LSM5: variants seen among roughly 807,000 people sequenced by gnomAD.
The protein encoded by LSM5 is LSM5 homolog, U6 small nuclear RNA and mRNA degradation associated.
A neutral mutation model predicts 13.8 loss-of-function variants in LSM5; 8 were observed. That is an observed-to-expected ratio of 0.58 (90% CI 0.34 to 1.04). The LOEUF is 1.04. LSM5 is among the 50% of genes least tolerant of loss of function. The pLI is 0.03. For synonymous variants in LSM5, 35 were observed against 37.0 expected (o/e 0.95, Z 0.20); for missense variants, 80 against 108.1 (o/e 0.74, Z 1.15).
At chr7:32,494,799 G>A (rs1786699383), upstream of LSM5, among the ~76,000 whole-genome samples, 1 of 152,084 alleles carries the variant, frequency 6.6e-6, no homozygotes, top group African/African-American at 2.4e-5. Context: ...AAAATCGCAG[G>A]ACTAGAATAA....
intron 4 of LSM5, 157 bp downstream of exon 4, chr7:32,487,528 A>G (rs1583462050): frequency 3.0e-6 from 2 of 674,780 alleles, no homozygotes; most frequent in East Asian, 5.4e-5. Flanking sequence ...TCAATAGCTG[A>G]GCTTTAGGAC....
chr7:32,494,538 A>G (rs759526124), upstream of LSM5, among the ~76,000 whole-genome samples: 10 of 152,240 alleles, frequency 6.6e-5, no homozygotes, highest in Non-Finnish European at 1.5e-4. Flanking sequence ...TATCACAGTT[A>G]CTGTAGTAAT....
At chr7:32,495,081 GGA>G (rs1386285395), upstream of LSM5, 3 of 152,314 alleles carry the variant, frequency 2.0e-5, no homozygotes, top group Non-Finnish European at 4.4e-5. Flanking sequence ...TCGGACACTC[GGA>G]GAGTGAACCG....
chr7:32,489,308 A>T lies in LSM5; in HGVS notation c.83T>A (p.Ile28Asn). The part of the protein sequence containing the change: ...VDKCIGSRIH[I>N]VMKSDKEIVG... ...AATTTCCTTATCACTCTTCATCACG[A>T]TGTGAATTCTTGATCCTATACATTT... The change falls in exon 2 of 5, where the codon ATC becomes AAC. Residue 28 changes from isoleucine to asparagine, a missense_variant. Physicochemically the swap from Ile to Asn is moderately radical, Grantham distance 149 (BLOSUM62 -3). Coordinates refer to ENST00000450169, the MANE Select transcript of LSM5 (RefSeq NM_012322.3). 6.2e-7 allele frequency: 1 copy of T among 1,608,450 alleles called. No individual in the cohort carries two copies. The highest frequency in any genetic ancestry group is 8.5e-7 in the Non-Finnish European group (1 of 1,176,184).
chr7:32,490,980 G>GCAAC (rs931120942), upstream of LSM5: 4 of 153,550 alleles, frequency 2.6e-5, no homozygotes, highest in African/African-American at 9.7e-5. Flanking sequence ...TGTCTCACAG[G>GCAAC]CAACCACCAG....
intron 1 of LSM5, chr7:32,490,045 G>A: frequency 7.0e-7 from 1 of 1,424,668 alleles, no homozygotes; most frequent in South Asian, 1.3e-5. Context: ...GCAGAGGCGG[G>A]CTCACAACAA....
chr7:32,492,270 A>C (rs1786611941), upstream of LSM5, among the ~76,000 whole-genome samples: 1 of 152,234 alleles, frequency 6.6e-6, no homozygotes, highest in South Asian at 2.1e-4. Context: ...TCACGCCTAT[A>C]ATCCCAACAC....
chr7:32,490,222 T>C, intron 1 of LSM5, 98 bp downstream of exon 1: 2 of 1,607,534 alleles, frequency 1.2e-6, no homozygotes, highest in South Asian at 1.1e-5. Context: ...TCTTATACAT[T>C]TCCCCACACT....
upstream of LSM5, chr7:32,490,839 A>G (rs533721478): frequency 5.7e-6 from 1 of 174,294 alleles, no homozygotes; most frequent in Admixed American, 5.9e-5. Context: ...CATTTTTTAA[A>G]ATTTTTCTTT....
At chr7:32,488,992 T>C (rs1025734521) in intron 2 of LSM5, among the ~76,000 whole-genome samples, 2 of 152,224 alleles carry the variant, frequency 1.3e-5, no homozygotes, top group African/African-American at 2.4e-5. Flanking sequence ...CCCAAAGCGC[T>C]GGGATTATAG....
At position 32,490,325 on chromosome 7, in the gene LSM5, G is replaced by A. The variant is rs1786550358; in HGVS notation, c.41C>T (p.Pro14Leu). 2 of 1,614,060 alleles carry A rather than the reference G, an allele frequency of 1.2e-6. No homozygotes were observed. The highest frequency in any genetic ancestry group is 2.2e-5 in the East Asian group (1 of 44,888). The change falls in exon 1 of 5, where the codon CCC (proline) becomes CTC (leucine). Residue 14 changes from proline to leucine, a missense_variant. By Grantham distance (98) the Pro-to-Leu change is moderately conservative. Transcript: ENST00000450169. ...NATTNPSQLL[P>L]LELVDKCIGS... ...CCCCAAAGGACGGCGATTACCTAAG[G>A]GCAGCAGCTGCGACGGGTTGGTAGT...
chr7:32,490,843 T>C (rs570650390), upstream of LSM5: 165 of 175,696 alleles, frequency 9.4e-4, no homozygotes, highest in Non-Finnish European at 1.7e-3. Flanking sequence ...TTTTAAAATT[T>C]TTCTTTAGTG....
upstream of LSM5, among the ~76,000 whole-genome samples, chr7:32,493,193 G>A (rs183109222): frequency 1.3e-5 from 2 of 152,174 alleles, no homozygotes; most frequent in Non-Finnish European, 2.9e-5. Flanking sequence ...CAGGAGTACA[G>A]TGGTGTGCTC....
At chr7:32,488,727 TTTTG>T in intron 2 of LSM5, 75 bp from the exon 3 acceptor site, 1 of 1,055,996 alleles carries the variant, frequency 9.5e-7, no homozygotes, top group African/African-American at 1.6e-5. Context: ...TGTTTTTTGT[TTTTG>T]TTTTTGTTTT....
In LSM5 at chr7:32,486,206, A is replaced by C. The variant is rs1351579563; in HGVS notation, c.*1055T>G. On this transcript the variant is annotated 3_prime_UTR_variant, in exon 5 of 5. Transcript: ENST00000450169. ...AAGATCTAGTTAGACTACTGTGGCC[A>C]GTAAGAATAGGCTAAATAATTTATA... 1 of 152,236 alleles carries C rather than the reference A, an allele frequency of 6.6e-6. No homozygotes were observed. Among genetic ancestry groups the C allele is most frequent in the Non-Finnish European group, 1.5e-5 (1 of 68,042 alleles). 9.4% of individuals were successfully genotyped at this position (152,236 alleles called of 1,614,324 possible).
rs548450755 is a variant in LSM5 at position 32,490,016 on chromosome 7, G to T, written c.46+304C>A. 3.0e-4 allele frequency: 398 copies of T among 1,348,054 alleles called. 5 individuals carry two copies. The South Asian group carries it at 5.3e-3, about 18-fold the overall frequency. The allele number at this position is 1,348,054 out of a possible 1,614,324, so 83.5% of individuals were successfully genotyped here. A position where few individuals can be genotyped will look rare whatever the true frequency, so the allele number is the denominator to read the frequency against. The stretch of plus-strand genomic sequence containing the variant: ...TCGTAAACGCCAGGCTGAGAAGTAG[G>T]CCTACTACCTATAACACTGCAGAGG... On this transcript the variant is annotated intron_variant, in intron 1 of 4. Transcript: ENST00000450169.
At chr7:32,493,130 CCAT>C (rs1056734298), upstream of LSM5, among the ~76,000 whole-genome samples, 19 of 152,082 alleles carry the variant, frequency 1.2e-4, no homozygotes, top group African/African-American at 4.6e-4. Context: ...TAGCAACACC[CCAT>C]CATATTTTAT....
rs1786519246 is a variant in LSM5 at position 32,489,310 on chromosome 7, G to A, written c.81C>T (p.His27=). Reference sequence around the variant, plus strand: ...TTTCCTTATCACTCTTCATCACGATGTGAATTCTTGATCCTATACATTTGT... The same window carrying A: ...TTTCCTTATCACTCTTCATCACGATATGAATTCTTGATCCTATACATTTGT... ...LVDKCIGSRI[H]IVMKSDKEIV... is the part of the protein sequence containing the mutation. The change falls in exon 2 of 5, where the codon CAC becomes CAT. Residue 27 remains histidine (H), a synonymous_variant. Transcript: ENST00000450169. 1 of 1,606,764 alleles carries A rather than the reference G, an allele frequency of 6.2e-7. No homozygotes were observed. Among genetic ancestry groups the A allele is most frequent in the East Asian group, 2.2e-5 (1 of 44,776 alleles).
chr7:32,486,719 C>T lies in LSM5; in HGVS notation c.*542G>A, dbSNP rs1341897795. On this transcript the variant is annotated 3_prime_UTR_variant, in exon 5 of 5. Coordinates refer to ENST00000450169, the MANE Select transcript of LSM5 (RefSeq NM_012322.3). ...GGGTAATTCCAATAGATAATTCCTG[C>T]ATTTCTACAATGTGCATATATTACC... 6.5e-6 allele frequency: 1 copy of T among 153,310 alleles called. No homozygotes were observed. The highest frequency in any genetic ancestry group is 6.5e-5 in the Admixed American group (1 of 15,280). 9.5% of individuals were successfully genotyped at this position (153,310 alleles called of 1,614,324 possible).
Sources: gnomAD v4.1 joint callset for allele counts (sites outside exome capture counted in the v4.1 genomes callset) on GRCh38, gnomAD v4.1.1 for gene constraint, MANE v1.5 for transcripts, NCBI Gene and HGNC (gene_info 2026-07-23, HGNC 2026-07-21) for gene names.